Variants in B3GLCT observed in about 807,000 individuals in gnomAD.
B3GLCT encodes the protein beta 3-glucosyltransferase, also known as beta-1,3-glucosyltransferase.
Under a neutral mutation model 63.4 loss-of-function variants are expected in B3GLCT, and 65 were observed. The observed-to-expected ratio is 1.03, with a 90% confidence interval of 0.84 to 1.26. The LOEUF (loss-of-function observed/expected upper bound fraction) is 1.26, where lower values mean the gene tolerates loss of function less well. B3GLCT is among the 50% of genes most tolerant of loss of function. The pLI is 0.00. For missense variants in B3GLCT, 577 were observed against 604.8 expected, an observed-to-expected ratio of 0.95 and a Z score of 0.48; for synonymous variants, 233 against 219.2, an observed-to-expected ratio of 1.06 and a Z score of -0.55.
intron 3 of B3GLCT, among the ~76,000 whole-genome samples, chr13:31,227,255 T>C (rs1449702892): frequency 6.6e-6 from 1 of 152,186 alleles, no homozygotes; most frequent in Non-Finnish European, 1.5e-5. Context: ...TGTGCACACA[T>C]CTGAGTTTCT....
chr13:31,323,725 C>T, intron 13 of B3GLCT, 26 bp from the exon 14 acceptor site: 1 of 1,613,952 alleles, frequency 6.2e-7, no homozygotes, highest in Non-Finnish European at 8.5e-7. Flanking sequence ...TTCTCTAACC[C>T]CTTTCTCTGC....
intron 8 of B3GLCT, among the ~76,000 whole-genome samples, chr13:31,271,117 G>A (rs1007778005): frequency 4.6e-5 from 7 of 152,234 alleles, no homozygotes; most frequent in African/African-American, 9.6e-5. Context: ...GGCATGCCTA[G>A]GCAAACCCCC....
At chr13:31,241,432 C>T (rs1281633575) in intron 4 of B3GLCT, among the ~76,000 whole-genome samples, 1 of 152,212 alleles carries the variant, frequency 6.6e-6, no homozygotes, top group Non-Finnish European at 1.5e-5. Flanking sequence ...GGTGGGGGCT[C>T]CATGAACATG....
chr13:31,326,856 T>C (rs767507951), intron 14 of B3GLCT, among the ~76,000 whole-genome samples: 2 of 152,246 alleles, frequency 1.3e-5, no homozygotes, highest in Non-Finnish European at 2.9e-5. Context: ...TAATGTTTAA[T>C]AAGCCAGCTC....
At chr13:31,223,074 T>C (rs1015026893) in intron 3 of B3GLCT, 83 bp downstream of exon 3, 77 of 939,854 alleles carry the variant, frequency 8.2e-5, no homozygotes, top group Non-Finnish European at 1.3e-4. Flanking sequence ...GATTTTTTTC[T>C]GATTTTATTT....
intron 7 of B3GLCT, among the ~76,000 whole-genome samples, chr13:31,266,002 C>T (rs988805215): frequency 2.0e-5 from 3 of 151,874 alleles, no homozygotes; most frequent in African/African-American, 7.3e-5. Context: ...CATGACTTAA[C>T]TTCTTTTTTT....
chr13:31,208,586 G>A (rs1869093373), intron 1 of B3GLCT, among the ~76,000 whole-genome samples: 1 of 111,982 alleles, frequency 8.9e-6, no homozygotes, highest in Non-Finnish European at 2.0e-5. Context: ...CGGGTGCTCT[G>A]TCTCAGAGCC....
At chr13:31,211,847 TACCA>T (rs1869275417) in intron 1 of B3GLCT, among the ~76,000 whole-genome samples, 1 of 152,224 alleles carries the variant, frequency 6.6e-6, no homozygotes, top group East Asian at 1.9e-4. Flanking sequence ...TCAGAACCAG[TACCA>T]AATAAAGATA....
intron 9 of B3GLCT, 40 bp downstream of exon 9, chr13:31,274,668 A>G (rs1440630535): frequency 6.2e-7 from 1 of 1,610,698 alleles, no homozygotes; most frequent in Non-Finnish European, 8.5e-7. Context: ...TATCAAAGGA[A>G]AAATTTAGAT....
At chr13:31,232,082 C>G (rs957968487) in intron 4 of B3GLCT, among the ~76,000 whole-genome samples, 8 of 152,204 alleles carry the variant, frequency 5.3e-5, no homozygotes, top group African/African-American at 7.2e-5. Flanking sequence ...TGCTTGTTAC[C>G]TTGTGCCAAG....
chr13:31,205,807 T>G (rs540128449), intron 1 of B3GLCT, among the ~76,000 whole-genome samples: 1 of 152,366 alleles, frequency 6.6e-6, no homozygotes, highest in East Asian at 1.9e-4. Flanking sequence ...AGGAAAGCAG[T>G]CTTTATCTAC....
At chr13:31,209,694 G>A (rs1394804263) in intron 1 of B3GLCT, among the ~76,000 whole-genome samples, 1 of 152,102 alleles carries the variant, frequency 6.6e-6, no homozygotes, top group Non-Finnish European at 1.5e-5. Flanking sequence ...CATTATCATT[G>A]TGGTCACCAG....
In B3GLCT at chr13:31,329,859, T is replaced by A; in HGVS notation, c.*191T>A. 1.6e-6 allele frequency: 1 copy of A among 635,314 alleles called. No homozygotes were observed. The highest frequency in any genetic ancestry group is 1.9e-5 in the South Asian group (1 of 52,310). The allele number at this position is 635,314 out of a possible 1,614,324, so 39.4% of individuals were successfully genotyped here. ...GGGGTCACAGGAGAAACATTTTTTT[T>A]TCTGGGAAAAATCACTTGCTTTTGA... is the stretch of plus-strand genomic sequence containing the variant. On this transcript the variant is annotated 3_prime_UTR_variant, in exon 15 of 15. Transcript: ENST00000343307.
intron 5 of B3GLCT, 110 bp from the exon 6 acceptor site, chr13:31,247,745 T>C (rs1871259212): frequency 1.7e-6 from 1 of 598,262 alleles, no homozygotes; most frequent in Non-Finnish European, 3.0e-6. Flanking sequence ...AGAAAAAAAT[T>C]AGATATGCCA....
At chr13:31,325,616 A>C (rs1875565432) in intron 14 of B3GLCT, among the ~76,000 whole-genome samples, 1 of 152,248 alleles carries the variant, frequency 6.6e-6, no homozygotes, top group Non-Finnish European at 1.5e-5. Flanking sequence ...TCTAATTCAC[A>C]TACATTTTAA....
At chr13:31,316,701 G>T (rs1593317724) in intron 12 of B3GLCT, among the ~76,000 whole-genome samples, 2 of 151,820 alleles carry the variant, frequency 1.3e-5, no homozygotes, top group Admixed American at 1.3e-4. Context: ...TTTCTAATTG[G>T]TGTAGGTTCT....
chr13:31,314,065 G>A (rs1874865569), intron 12 of B3GLCT, among the ~76,000 whole-genome samples: 1 of 152,198 alleles, frequency 6.6e-6, no homozygotes, highest in Admixed American at 6.5e-5. Context: ...TAAGAATTAA[G>A]GTTTGAGAAC....
At chr13:31,258,307 A>G (rs1257192229) in intron 6 of B3GLCT, among the ~76,000 whole-genome samples, 2 of 152,184 alleles carry the variant, frequency 1.3e-5, no homozygotes, top group African/African-American at 2.4e-5. Context: ...GTAACTGTCT[A>G]TCTGGTTGCT....
In B3GLCT at chr13:31,216,555, G is replaced by A. The variant is rs867872822; in HGVS notation, c.120+1455G>A. 9.2e-5 allele frequency among the ~76,000 whole-genome samples: 14 copies of A among 152,234 alleles called. No individual in the cohort carries two copies. In the South Asian group the frequency reaches 1.0e-3, roughly 11 times the overall value. On this transcript the variant is annotated intron_variant, in intron 2 of 14. Coordinates refer to ENST00000343307, the MANE Select transcript of B3GLCT (RefSeq NM_194318.4). ...ATAGATTATTTTGTCACCTAGGTAAGAAGCATAGTACCCAATAGGTAGTTT... is the reference window on the plus strand; with the variant it reads ...ATAGATTATTTTGTCACCTAGGTAAAAAGCATAGTACCCAATAGGTAGTTT...
Sources: allele counts gnomAD v4.1 joint callset (sites outside exome capture counted in the v4.1 genomes callset), GRCh38; gene constraint gnomAD v4.1.1; transcripts MANE v1.5; gene names NCBI Gene and HGNC (gene_info 2026-07-23, HGNC 2026-07-21).